FMN1: variants seen among roughly 807,000 people sequenced by gnomAD.
FMN1 encodes formin 1.
FMN1 carries 110 observed loss-of-function variants against 132.4 expected under a neutral mutation model. The observed-to-expected ratio is 0.83, with a 90% confidence interval of 0.71 to 0.97. The LOEUF is 0.97. Among genes scored for constraint, FMN1 ranks in the 50% least tolerant of loss-of-function variants. The pLI, the probability that FMN1 is intolerant of heterozygous loss-of-function variation, is 0.00. For synonymous variants in FMN1, 722 were observed against 651.7 expected, an observed-to-expected ratio of 1.11 and a Z score of -1.64; for missense variants, 1,792 against 1,705.3, an observed-to-expected ratio of 1.05 and a Z score of -0.90.
intron 7 of FMN1, among the ~76,000 whole-genome samples, chr15:32,994,415 A>C (rs1464152000): frequency 6.6e-6 from 1 of 152,100 alleles, no homozygotes; most frequent in Non-Finnish European, 1.5e-5. Context: ...GTTCTCTCCA[A>C]ACAAGCCAAG....
At chr15:32,989,721 T>C (rs905830616) in intron 7 of FMN1, among the ~76,000 whole-genome samples, 2 of 152,160 alleles carry the variant, frequency 1.3e-5, no homozygotes, top group African/African-American at 4.8e-5. Flanking sequence ...ACACGCAAGC[T>C]ATGCTCAAGG....
intron 12 of FMN1, among the ~76,000 whole-genome samples, chr15:32,907,991 C>G (rs1397248188): frequency 1.3e-5 from 2 of 152,108 alleles, no homozygotes; most frequent in Admixed American, 1.3e-4. Context: ...GAGAGAAAAA[C>G]AAGCATGTAC....
At chr15:33,111,148 T>TGCA (rs1462038127) in intron 4 of FMN1, among the ~76,000 whole-genome samples, 23 of 152,180 alleles carry the variant, frequency 1.5e-4, no homozygotes, top group Admixed American at 1.2e-3. Context: ...CATGGTGCTT[T>TGCA]GCACATGCCC....
At chr15:32,961,182 G>C (rs1168597749) in intron 9 of FMN1, among the ~76,000 whole-genome samples, 2 of 149,874 alleles carry the variant, frequency 1.3e-5, no homozygotes, top group Non-Finnish European at 2.9e-5. Flanking sequence ...TGCCCAGGCT[G>C]GGGTGCAATG....
chr15:33,066,547 A>T, intron 5 of FMN1: 9 of 1,594,522 alleles, frequency 5.6e-6, no homozygotes, highest in Non-Finnish European at 7.7e-6. Flanking sequence ...CTGGCTTAGA[A>T]TTGGACCGTT....
At chr15:33,076,299 T>C (rs1019623388) in intron 5 of FMN1, among the ~76,000 whole-genome samples, 4 of 152,234 alleles carry the variant, frequency 2.6e-5, no homozygotes, top group Admixed American at 2.0e-4. Context: ...TGATAAAAGA[T>C]GAAGACCTGG....
chr15:32,849,356 C>G (rs2058948630), intron 17 of FMN1, among the ~76,000 whole-genome samples: 1 of 151,956 alleles, frequency 6.6e-6, no homozygotes, highest in South Asian at 2.1e-4. Flanking sequence ...TCATTTTTAT[C>G]TGAATGATAA....
intron 12 of FMN1, among the ~76,000 whole-genome samples, chr15:32,906,339 GACA>G (rs1450109323): frequency 6.6e-6 from 1 of 152,134 alleles, no homozygotes; most frequent in African/African-American, 2.4e-5. Flanking sequence ...TCAACAGAAG[GACA>G]ACATTTTATG....
intron 6 of FMN1, among the ~76,000 whole-genome samples, chr15:33,043,895 G>A (rs1229116112): frequency 1.3e-5 from 2 of 152,152 alleles, no homozygotes; most frequent in East Asian, 1.9e-4. Flanking sequence ...CCTCCTGGGT[G>A]CAGCTGCAGC....
At chr15:33,135,909 G>A (rs1487083529) in intron 4 of FMN1, among the ~76,000 whole-genome samples, 1 of 152,194 alleles carries the variant, frequency 6.6e-6, no homozygotes, top group Non-Finnish European at 1.5e-5. Flanking sequence ...CTTCTAGAAT[G>A]AGTGTGAGCT....
intron 17 of FMN1, among the ~76,000 whole-genome samples, chr15:32,809,422 T>TC (rs1250339894): frequency 6.6e-6 from 1 of 152,042 alleles, no homozygotes; most frequent in Non-Finnish European, 1.5e-5. Context: ...TCTCACTGGT[T>TC]CCCCCTCTGA....
rs866331986 is a variant in FMN1 at position 32,777,847 on chromosome 15, T to G, written c.4131-928A>C. ...ATATTATGTATAATATATAATACAT[T>G]AATTATATATTATGTATAATATATA... On this transcript the variant is annotated intron_variant, in intron 19 of 20. Transcript: ENST00000616417. 4.9e-3 allele frequency among the ~76,000 whole-genome samples: 352 copies of G among 71,440 alleles called. 65 individuals are homozygous for G. Among genetic ancestry groups the G allele is most frequent in the African/African-American group, 0.022 (336 of 15,100 alleles). The allele number at this position is 71,440 out of a possible 152,430, so 46.9% of individuals were successfully genotyped here.
At chr15:32,840,085 C>T (rs1304615282) in intron 17 of FMN1, among the ~76,000 whole-genome samples, 6 of 152,156 alleles carry the variant, frequency 3.9e-5, no homozygotes, top group Non-Finnish European at 8.8e-5. Context: ...CCCTGAAATC[C>T]AAAGCAGAAT....
At chr15:32,885,066 G>A (rs757544597) in intron 16 of FMN1, among the ~76,000 whole-genome samples, 5 of 152,196 alleles carry the variant, frequency 3.3e-5, no homozygotes, top group African/African-American at 9.6e-5. Flanking sequence ...TACTTTCTAC[G>A]ATTATGCTAC....
chr15:33,117,270 TA>T (rs1250437340), intron 4 of FMN1, among the ~76,000 whole-genome samples: 1 of 152,124 alleles, frequency 6.6e-6, no homozygotes, highest in Non-Finnish European at 1.5e-5. Flanking sequence ...ATTCTGGCAA[TA>T]ACAACGAAAG....
chr15:33,064,955 A>T lies in FMN1; in HGVS notation c.2161+2T>A, dbSNP rs1400131683. ...CGGGTCCCTAGCTTCCTTTCACATT[A>T]CCTGCTTCAGTGTACTTCAGTCCCA... On this transcript the variant is annotated splice_donor_variant, in intron 6 of 20. Transcript: ENST00000616417. LOFTEE classifies it high-confidence loss of function. 6.2e-7 allele frequency: 1 copy of T among 1,601,618 alleles called. No homozygotes were observed. The highest frequency in any genetic ancestry group is 8.5e-7 in the Non-Finnish European group (1 of 1,172,498).
chr15:33,110,835 A>C (rs759992030), intron 4 of FMN1, among the ~76,000 whole-genome samples: 4 of 152,106 alleles, frequency 2.6e-5, no homozygotes, highest in Non-Finnish European at 5.9e-5. Flanking sequence ...TTTTTAGTCC[A>C]TTAAAATTTT....
intron 6 of FMN1, among the ~76,000 whole-genome samples, chr15:33,058,543 G>C (rs1039325254): frequency 2.6e-5 from 4 of 152,158 alleles, no homozygotes; most frequent in African/African-American, 9.7e-5. Context: ...CCACAGCCTA[G>C]AAGCATTTTT....
At chr15:32,818,270 A>G (rs897835139) in intron 17 of FMN1, among the ~76,000 whole-genome samples, 7 of 152,102 alleles carry the variant, frequency 4.6e-5, no homozygotes, top group African/African-American at 1.7e-4. Flanking sequence ...TTTTATAATG[A>G]ATTTATATTT....
Sources: allele counts gnomAD v4.1 joint callset (sites outside exome capture counted in the v4.1 genomes callset), GRCh38; gene constraint gnomAD v4.1.1; transcripts MANE v1.5; gene names NCBI Gene and HGNC (gene_info 2026-07-23, HGNC 2026-07-21).